The following ZNF423 variants were observed in gnomAD, a reference collection of about 807,000 sequenced individuals.
ZNF423 encodes the protein Ebf-associated zinc finger protein.
In ZNF423, 12 loss-of-function variants were observed where a neutral mutation model predicts 95.8. The ratio of observed to expected loss-of-function variants is 0.13; its 90% CI spans 0.08 to 0.20. The LOEUF (loss-of-function observed/expected upper bound fraction) is 0.20. ZNF423 is among the 10% of genes least tolerant of loss of function. The probability of loss-of-function intolerance (pLI) is 1.00; values close to 1 mark genes in which losing one functional copy is unlikely to be tolerated. For missense variants in ZNF423, 1,316 were observed against 1,737.1 expected (o/e 0.76, Z 4.31); for synonymous variants, 749 against 711.9 (o/e 1.05, Z -0.83).
At chr16:49,556,972 A>G (rs1456212193) in intron 5 of ZNF423, among the ~76,000 whole-genome samples, 3 of 152,194 alleles carry the variant, frequency 2.0e-5, no homozygotes, top group African/African-American at 4.8e-5. Flanking sequence ...GAAAAAAACT[A>G]TGAGCCCAGA....
chr16:49,559,064 G>A (rs1489687849), intron 5 of ZNF423, among the ~76,000 whole-genome samples: 1 of 152,232 alleles, frequency 6.6e-6, no homozygotes, highest in Non-Finnish European at 1.5e-5. Flanking sequence ...GGCATGGCCT[G>A]AGTCAGCTGC....
In ZNF423 at chr16:49,492,487, C is replaced by G. The variant is rs1276974617; in HGVS notation, c.3850-1183G>C. Among the ~76,000 whole-genome samples, 1 of 151,900 alleles carries G rather than the reference C, an allele frequency of 6.6e-6. No individual in the cohort carries two copies. On this transcript the variant is annotated intron_variant, in intron 7 of 7. Coordinates refer to ENST00000563137, the MANE Select transcript of ZNF423 (RefSeq NM_001379286.1). The surrounding 1 kb of genome is among the most constrained non-coding windows in gnomAD (Gnocchi z 4.2). Reference sequence around the variant, plus strand: ...CCGGAGGCCGAGGCCGGGGCCGGGGCCGGGGCCGGGGCCGAGACGGGCCAC... The same window carrying G: ...CCGGAGGCCGAGGCCGGGGCCGGGGGCGGGGCCGGGGCCGAGACGGGCCAC...
At chr16:49,511,350 G>A (rs989854304) in intron 7 of ZNF423, among the ~76,000 whole-genome samples, 1 of 152,172 alleles carries the variant, frequency 6.6e-6, no homozygotes, top group Non-Finnish European at 1.5e-5. Flanking sequence ...CCTACCCTTG[G>A]CTTCTAAGGG....
At chr16:49,770,326 A>T (rs939201470) in intron 2 of ZNF423, among the ~76,000 whole-genome samples, 1 of 152,198 alleles carries the variant, frequency 6.6e-6, no homozygotes, top group African/African-American at 2.4e-5. Flanking sequence ...GCAGCAATGG[A>T]AAAAGTGGTT....
chr16:49,525,458 T>A lies in ZNF423; in HGVS notation c.3638A>T (p.Gln1213Leu). 2.5e-6 allele frequency: 4 copies of A among 1,614,054 alleles called. No homozygotes were observed. Among genetic ancestry groups the A allele is most frequent in the Non-Finnish European group, 3.4e-6 (4 of 1,179,970 alleles). Residue 1213 changes from glutamine (Q) to leucine (L), a missense_variant, in exon 6 of 8, where the codon CAG becomes CTG. Physicochemically the swap from Gln to Leu is moderately radical, Grantham distance 113. Coordinates refer to ENST00000563137, the MANE Select transcript of ZNF423 (RefSeq NM_001379286.1). ...GAGCTTGGCCGGGGAGTCGAACATCTGGTTGCACAGCTTACACTCGTGGTT... is the reference window on the plus strand; with the variant it reads ...GAGCTTGGCCGGGGAGTCGAACATCAGGTTGCACAGCTTACACTCGTGGTT... ...GINHECKLCN[Q>L]MFDSPAKLLC...
intron 5 of ZNF423, among the ~76,000 whole-genome samples, chr16:49,591,719 G>A (rs1285252785): frequency 1.3e-5 from 2 of 152,184 alleles, no homozygotes; most frequent in African/African-American, 4.8e-5. Context: ...AACAGTATGG[G>A]CATTAAAACT....
chr16:49,543,489 T>A (rs1037660056), intron 5 of ZNF423, among the ~76,000 whole-genome samples: 4 of 152,224 alleles, frequency 2.6e-5, no homozygotes, highest in African/African-American at 9.6e-5. Flanking sequence ...CCCGGAGTCC[T>A]CTGCGGGAGC....
At chr16:49,545,803 C>T (rs905438285) in intron 5 of ZNF423, among the ~76,000 whole-genome samples, 5 of 152,164 alleles carry the variant, frequency 3.3e-5, no homozygotes, top group Admixed American at 1.3e-4. Context: ...ATCTTGGAGG[C>T]ATTCAAGTGC....
chr16:49,658,672 CGAGGAGGAG>C (rs376019915), intron 3 of ZNF423, among the ~76,000 whole-genome samples: 2 of 152,222 alleles, frequency 1.3e-5, no homozygotes, highest in South Asian at 4.1e-4. Flanking sequence ...TGGACCACCA[CGAGGAGGAG>C]GAGTTCCAGT....
At chr16:49,563,670 T>C (rs1158326736) in intron 5 of ZNF423, among the ~76,000 whole-genome samples, 1 of 152,210 alleles carries the variant, frequency 6.6e-6, no homozygotes, top group African/African-American at 2.4e-5. Context: ...CTTTGGCCTC[T>C]AGGCCTGTCG....
chr16:49,583,471 T>C (rs983263825), intron 5 of ZNF423, among the ~76,000 whole-genome samples: 1 of 152,208 alleles, frequency 6.6e-6, no homozygotes, highest in Non-Finnish European at 1.5e-5. Context: ...TGAGAACAAA[T>C]ACATGTGCGC....
chr16:49,729,285 T>C (rs1218855948), intron 3 of ZNF423, among the ~76,000 whole-genome samples: 2 of 152,220 alleles, frequency 1.3e-5, no homozygotes, highest in Admixed American at 6.5e-5. Context: ...CTCTTATAGT[T>C]AAGATTCCAT....
At position 49,536,397 on chromosome 16, in the gene ZNF423, T is replaced by C. The variant is rs539720634; in HGVS notation, c.3602-10903A>G. On this transcript the variant is annotated intron_variant, in intron 5 of 7. Coordinates refer to ENST00000563137, the MANE Select transcript of ZNF423 (RefSeq NM_001379286.1). ...TAGATCCACACTGTCAATCTAGTAGTTACTGGCCACCTGTGGCTCTTTAGT... is the reference window on the plus strand; with the variant it reads ...TAGATCCACACTGTCAATCTAGTAGCTACTGGCCACCTGTGGCTCTTTAGT... Among the ~76,000 whole-genome samples, 7 of 151,634 alleles carry C rather than the reference T, an allele frequency of 4.6e-5. 1 individual carries two copies. The East Asian group carries it at 1.4e-3, about 29-fold the overall frequency.
At chr16:49,619,022 C>A (rs1278712809) in intron 5 of ZNF423, among the ~76,000 whole-genome samples, 1 of 152,126 alleles carries the variant, frequency 6.6e-6, no homozygotes, top group African/African-American at 2.4e-5. Context: ...TACAGTGTCC[C>A]TACATACTAC....
rs1404705872 is a variant in ZNF423, at chr16:49,490,143, C to T, written c.*1132G>A. On this transcript the variant is annotated 3_prime_UTR_variant, in exon 8 of 8. Coordinates refer to ENST00000563137, the MANE Select transcript of ZNF423 (RefSeq NM_001379286.1). ...CTCCTACCTGGCTCTGCTCTGCAGT[C>T]CCCAGTCACACATCTCCGTGCCTCA... The T allele has an allele frequency of 6.6e-6, 1 of 152,264 alleles. No homozygotes were observed. The highest frequency in any genetic ancestry group is 1.9e-4 in the East Asian group (1 of 5,180). 9.4% of individuals were successfully genotyped at this position (152,264 alleles called of 1,614,324 possible).
At chr16:49,559,310 C>T (rs547028581) in intron 5 of ZNF423, among the ~76,000 whole-genome samples, 35 of 152,292 alleles carry the variant, frequency 2.3e-4, no homozygotes, top group East Asian at 1.9e-3. Flanking sequence ...GGGTACAGTA[C>T]GGGAAATAAA....
At chr16:49,859,031 G>C (rs183208346), upstream of ZNF423, among the ~76,000 whole-genome samples, 1 of 152,206 alleles carries the variant, frequency 6.6e-6, no homozygotes, top group East Asian at 1.9e-4. Flanking sequence ...CAGGCTTTCT[G>C]GGGGGCTGGA....
intron 5 of ZNF423, among the ~76,000 whole-genome samples, chr16:49,609,371 T>G (rs1206660137): frequency 1.3e-5 from 2 of 152,104 alleles, no homozygotes; most frequent in African/African-American, 2.4e-5. Flanking sequence ...AAAAAGTCAA[T>G]CAATATATGC....
intron 1 of ZNF423, among the ~76,000 whole-genome samples, chr16:49,796,402 TC>T (rs901430682): frequency 1.3e-5 from 2 of 152,062 alleles, no homozygotes; most frequent in African/African-American, 2.4e-5. Context: ...CCCAGAGGGC[TC>T]CCCAACACCT....
Sources: allele counts gnomAD v4.1 joint callset (sites outside exome capture counted in the v4.1 genomes callset), GRCh38; gene constraint gnomAD v4.1.1; non-coding constraint Gnocchi (gnomAD v3.1); transcripts MANE v1.5; gene names NCBI Gene and HGNC (gene_info 2026-07-23, HGNC 2026-07-21).